HECW2: variants seen among roughly 807,000 people sequenced by gnomAD.
The protein encoded by HECW2 is E3 ubiquitin-protein ligase HECW2.
Under a neutral mutation model 175.2 loss-of-function variants are expected in HECW2, and 61 were observed. The ratio of observed to expected loss-of-function variants is 0.35; its 90% CI spans 0.28 to 0.43. The LOEUF (loss-of-function observed/expected upper bound fraction) is 0.43, where lower values mean the gene tolerates loss of function less well. Ranked by LOEUF, HECW2 falls within the 20% of genes least tolerant of loss-of-function variation. The pLI, the probability that HECW2 is intolerant of heterozygous loss-of-function variation, is 1.00. For synonymous variants in HECW2, 671 were observed against 731.0 expected (o/e 0.92, Z 1.32); for missense variants, 1,524 against 2,000.5 (o/e 0.76, Z 4.54).
intron 2 of HECW2, among the ~76,000 whole-genome samples, chr2:196,391,093 A>G (rs1694495773): frequency 2.0e-5 from 3 of 152,166 alleles, no homozygotes; most frequent in African/African-American, 4.8e-5. Flanking sequence ...AGGGAGCACC[A>G]GCAAGAGACA....
chr2:196,523,922 T>C (rs1372229259), intron 1 of HECW2, among the ~76,000 whole-genome samples: 2 of 152,228 alleles, frequency 1.3e-5, no homozygotes, highest in Non-Finnish European at 2.9e-5. Context: ...ATCAAGGATA[T>C]TGGTCTAAAA....
chr2:196,233,383 C>T (rs1375046766), intron 21 of HECW2, among the ~76,000 whole-genome samples: 1 of 152,070 alleles, frequency 6.6e-6, no homozygotes, highest in African/African-American at 2.4e-5. Context: ...CAGTGGCACC[C>T]AAAATTTGTT....
At chr2:196,286,507 C>A (rs1690395622) in intron 14 of HECW2, among the ~76,000 whole-genome samples, 1 of 151,840 alleles carries the variant, frequency 6.6e-6, no homozygotes, top group Non-Finnish European at 1.5e-5. Context: ...CTGTTTTACT[C>A]AGAAATTTAT....
At position 196,318,688 on chromosome 2, in the gene HECW2, C is replaced by T; in HGVS notation, c.2202G>A (p.Gly734=). The part of the protein sequence containing the change: ...SATVPDQEEL[G]EVWQRRGSLE... ...GGCTCCCCCTCCGCTGCCAGACCTC[C>T]CCCAGCTCCTCCTGGTCAGGTACAG... Residue 734 remains glycine, a synonymous_variant, in exon 9 of 29, where the codon GGG becomes GGA. Coordinates refer to ENST00000644978, the MANE Select transcript of HECW2 (RefSeq NM_001348768.2). The T allele has an allele frequency of 6.3e-7, 1 of 1,593,394 alleles. No homozygotes were observed. Among genetic ancestry groups the T allele is most frequent in the Non-Finnish European group, 8.5e-7 (1 of 1,170,012 alleles).
In HECW2 at chr2:196,331,182, G is replaced by T. The variant is rs142840785; in HGVS notation, c.496-1532C>A. 7.1e-4 allele frequency: 700 copies of T among 985,360 alleles called. 17 individuals are homozygous for T. In the Admixed American group the frequency reaches 0.037, roughly 52 times the overall value. 61.0% of individuals were successfully genotyped at this position (985,360 alleles called of 1,614,324 possible). A position where few individuals can be genotyped will look rare whatever the true frequency, so the allele number is the denominator to read the frequency against. On this transcript the variant is annotated intron_variant, in intron 4 of 28. Transcript: ENST00000644978. ...CTGCAACACACCAGGGTCCATCCAG[G>T]TATCTGTTTTTCCTTCCATCTATAG... is the stretch of plus-strand genomic sequence containing the variant.
intron 1 of HECW2, among the ~76,000 whole-genome samples, chr2:196,521,492 A>C (rs1688384897): frequency 6.6e-6 from 1 of 151,416 alleles, no homozygotes; most frequent in Non-Finnish European, 1.5e-5. Flanking sequence ...TTATTTTTTT[A>C]TTATTCTACT....
intron 1 of HECW2, among the ~76,000 whole-genome samples, chr2:196,470,515 T>C (rs1697152986): frequency 6.6e-6 from 1 of 152,200 alleles, no homozygotes; most frequent in Non-Finnish European, 1.5e-5. Flanking sequence ...ATATTGAAGT[T>C]GTGTTTTGGA....
chr2:196,527,367 G>C (rs535148480), intron 1 of HECW2, among the ~76,000 whole-genome samples: 1 of 152,232 alleles, frequency 6.6e-6, no homozygotes, highest in Non-Finnish European at 1.5e-5. Context: ...ACTGGCCTGC[G>C]CCCACTGTCT....
chr2:196,292,761 G>A lies in HECW2; in HGVS notation c.2815-11C>T, dbSNP rs750954888. ...CATGCGGTAGGCACTCTAAAGAAAA[G>A]AATGGAGAACCAATGTTAACCCACT... On this transcript the variant is annotated splice_polypyrimidine_tract_variant and intron_variant, in intron 13 of 28. Coordinates refer to ENST00000644978, the MANE Select transcript of HECW2 (RefSeq NM_001348768.2). 3.7e-6 allele frequency: 6 copies of A among 1,603,912 alleles called. No homozygotes were observed. Among genetic ancestry groups the A allele is most frequent in the Non-Finnish European group, 5.1e-6 (6 of 1,172,088 alleles).
At chr2:196,569,097 GGAGGCCAGGGAGGAGAATCACTT>G (rs1690285013) in intron 1 of HECW2, among the ~76,000 whole-genome samples, 1 of 152,168 alleles carries the variant, frequency 6.6e-6, no homozygotes, top group South Asian at 2.1e-4. Flanking sequence ...CAGCACTTTG[GGAGGCCAGGGAGGAGAATCACTT>G]GAGGCCAGGA....
intron 23 of HECW2, 75 bp downstream of exon 23, chr2:196,225,697 G>T: frequency 1.2e-6 from 1 of 853,222 alleles, no homozygotes; most frequent in Non-Finnish European, 1.9e-6. Flanking sequence ...CAATGACTTT[G>T]ACAGAAGAAT....
intron 15 of HECW2, among the ~76,000 whole-genome samples, chr2:196,274,595 A>G (rs1689870662): frequency 6.6e-6 from 1 of 152,208 alleles, no homozygotes; most frequent in African/African-American, 2.4e-5. Context: ...GAGGGGTTGA[A>G]GAGCAGCAAT....
intron 1 of HECW2, among the ~76,000 whole-genome samples, chr2:196,479,050 G>T (rs75895039): frequency 0.011 from 1,696 of 152,294 alleles, 15 homozygotes; most frequent in Middle Eastern, 0.02. Flanking sequence ...ACTCCACTGG[G>T]ATGCAAAGTT....
Position 196,230,442 on chromosome 2 carries a change from C to T in HECW2, c.3765-2188G>A, listed in dbSNP as rs966694446. Among the ~76,000 whole-genome samples the T allele has an allele frequency of 6.6e-5, 10 of 152,170 alleles. 1 individual carries two copies. The highest frequency in any genetic ancestry group is 2.4e-4 in the African/African-American group (10 of 41,436). On this transcript the variant is annotated intron_variant, in intron 21 of 28. Transcript: ENST00000644978. The stretch of plus-strand genomic sequence containing the variant: ...TATAAAACGTTTTCAAAGTCATTTT[C>T]CATTGGAACTTTAGGTTTAGCAGTT...
At chr2:196,325,237 CAGA>C in intron 5 of HECW2, 88 bp from the exon 6 acceptor site, 2 of 959,450 alleles carry the variant, frequency 2.1e-6, no homozygotes, top group Non-Finnish European at 1.5e-6. Context: ...GAACAAGGGA[CAGA>C]AGAAGGAAGG....
At chr2:196,362,662 AG>A (rs763379282) in intron 2 of HECW2, among the ~76,000 whole-genome samples, 22 of 152,246 alleles carry the variant, frequency 1.4e-4, no homozygotes, top group Non-Finnish European at 2.5e-4. Context: ...TCAATGCAGA[AG>A]TTATTTTCAA....
At chr2:196,404,968 G>T in intron 2 of HECW2, among the ~76,000 whole-genome samples, 1 of 146,998 alleles carries the variant, frequency 6.8e-6, no homozygotes, top group East Asian at 2.0e-4. Context: ...GGGACTACAG[G>T]TGTCCGCCAC....
chr2:196,230,904 C>T lies in HECW2; in HGVS notation c.3765-2650G>A, dbSNP rs955776764. Among the ~76,000 whole-genome samples, 3 of 151,912 alleles carry T rather than the reference C, an allele frequency of 2.0e-5. No individual in the cohort carries two copies. The South Asian group carries it at 6.2e-4, about 32-fold the overall frequency. On this transcript the variant is annotated intron_variant, in intron 21 of 28. Coordinates refer to ENST00000644978, the MANE Select transcript of HECW2 (RefSeq NM_001348768.2). ...GGATCACGAGGTCAGGAGATTGAGA[C>T]CATCCTGGCCAACATGGTGAAACCC...
chr2:196,534,924 G>T (rs149261064), intron 1 of HECW2, among the ~76,000 whole-genome samples: 2 of 152,104 alleles, frequency 1.3e-5, no homozygotes, highest in Non-Finnish European at 2.9e-5. Context: ...TCTTAATGGA[G>T]AAATTTTTGA....
Sources: gnomAD v4.1 joint callset for allele counts (sites outside exome capture counted in the v4.1 genomes callset) on GRCh38, gnomAD v4.1.1 for gene constraint, MANE v1.5 for transcripts, NCBI Gene and HGNC (gene_info 2026-07-23, HGNC 2026-07-21) for gene names.